The following RBFOX1 variants were observed in gnomAD, a reference collection of about 807,000 sequenced individuals.
RBFOX1 encodes RNA binding protein fox-1 homolog 1.
In RBFOX1, 8 loss-of-function variants were observed where a neutral mutation model predicts 57.7. That is an observed-to-expected ratio of 0.14 (90% CI 0.08 to 0.25). The LOEUF (loss-of-function observed/expected upper bound fraction) is 0.25, where lower values mean the gene tolerates loss of function less well. Among genes scored for constraint, RBFOX1 ranks in the 10% least tolerant of loss-of-function variants. RBFOX1 has a pLI of 1.00. For synonymous variants in RBFOX1, 326 were observed against 222.4 expected, an observed-to-expected ratio of 1.47 and a Z score of -4.15; for missense variants, 611 against 548.5, an observed-to-expected ratio of 1.11 and a Z score of -1.14.
rs2092287071 is a variant in RBFOX1 at position 7,567,879 on chromosome 16, G to A, written c.271-11898G>A. Among the ~76,000 whole-genome samples the A allele has an allele frequency of 3.5e-5, 3 of 86,160 alleles. No homozygotes were observed. The South Asian group carries it at 1.4e-3, about 40-fold the overall frequency. The allele number at this position is 86,160 out of a possible 152,430, so 56.5% of individuals were successfully genotyped here. A position where few individuals can be genotyped will look rare whatever the true frequency, so the allele number is the denominator to read the frequency against. ...TCCATATATATACCTCTCTATATAT[G>A]CATATGTATACCTATGTATATATAT... is the stretch of plus-strand genomic sequence containing the variant. On this transcript the variant is annotated intron_variant, in intron 5 of 15. Coordinates refer to ENST00000550418, the MANE Select transcript of RBFOX1 (RefSeq NM_018723.4).
intron 3 of RBFOX1, among the ~76,000 whole-genome samples, chr16:5,744,516 C>A (rs1387278643): frequency 6.6e-6 from 1 of 152,160 alleles, no homozygotes; most frequent in East Asian, 1.9e-4. Flanking sequence ...TTCTTTCCAA[C>A]TCCACCTTCA....
rs899738724 is a variant in RBFOX1, at chr16:7,253,733, G to C, written c.27+201635G>C. The stretch of plus-strand genomic sequence containing the variant: ...CCATCACCACATAGTATTCTGTGTC[G>C]ATCTATGGAGCCTCTCGTTACTTAC... On this transcript the variant is annotated intron_variant, in intron 4 of 15. Coordinates refer to ENST00000550418, the MANE Select transcript of RBFOX1 (RefSeq NM_018723.4). 2.6e-5 allele frequency among the ~76,000 whole-genome samples: 4 copies of C among 152,092 alleles called. No homozygotes were observed. In the South Asian group the frequency reaches 8.3e-4, roughly 32 times the overall value.
chr16:7,311,478 C>CTTTTTTTTTTTTTTTTT (rs1190746565), intron 4 of RBFOX1, among the ~76,000 whole-genome samples: 1 of 122,522 alleles, frequency 8.2e-6, no homozygotes. Flanking sequence ...TGAGCCTTTT[C>CTTTTTTTTTTTTTTTTT]TTTTTTTTTT....
At chr16:7,005,822 C>G (rs1351938247) in intron 3 of RBFOX1, among the ~76,000 whole-genome samples, 1 of 152,198 alleles carries the variant, frequency 6.6e-6, no homozygotes, top group Non-Finnish European at 1.5e-5. Flanking sequence ...ACATGAGTGA[C>G]TGCTGCTTCT....
chr16:6,806,290 C>G (rs1270344932), intron 3 of RBFOX1, among the ~76,000 whole-genome samples: 2 of 152,042 alleles, frequency 1.3e-5, no homozygotes, highest in African/African-American at 2.4e-5. Context: ...CATTATAAAG[C>G]TTTGTAGTAA....
intron 3 of RBFOX1, among the ~76,000 whole-genome samples, chr16:5,647,603 G>A (rs2049095610): frequency 6.6e-6 from 1 of 152,096 alleles, no homozygotes; most frequent in Admixed American, 6.6e-5. Flanking sequence ...TTTCTCCAGT[G>A]TGGGAAAGGA....
At chr16:5,595,634 G>A (rs763269042) in intron 2 of RBFOX1, among the ~76,000 whole-genome samples, 1 of 152,200 alleles carries the variant, frequency 6.6e-6, no homozygotes, top group East Asian at 1.9e-4. Context: ...TTATTGTAAG[G>A]ATTCAGGGAA....
chr16:7,635,111 G>A (rs1016254531), intron 11 of RBFOX1, among the ~76,000 whole-genome samples: 11 of 152,224 alleles, frequency 7.2e-5, no homozygotes, highest in East Asian at 1.9e-4. Context: ...TGCATATGGC[G>A]AATGCTCAAC....
At chr16:7,226,343 G>A (rs1005769392) in intron 4 of RBFOX1, among the ~76,000 whole-genome samples, 1 of 152,206 alleles carries the variant, frequency 6.6e-6, no homozygotes, top group Non-Finnish European at 1.5e-5. Context: ...AAGAAGTGCA[G>A]TGTGTAATGC....
chr16:5,386,585 C>G (rs1033894083), intron 1 of RBFOX1, among the ~76,000 whole-genome samples: 6 of 152,188 alleles, frequency 3.9e-5, no homozygotes, highest in Non-Finnish European at 7.3e-5. Context: ...CCCACTCTCT[C>G]TTAACCCTTG....
intron 3 of RBFOX1, among the ~76,000 whole-genome samples, chr16:5,727,727 C>T (rs1004071009): frequency 6.6e-6 from 1 of 152,164 alleles, no homozygotes; most frequent in Non-Finnish European, 1.5e-5. Flanking sequence ...CTTACCTTGT[C>T]ACCCAGGTTG....
chr16:6,956,553 G>T (rs2153536361), intron 3 of RBFOX1, among the ~76,000 whole-genome samples: 1 of 152,266 alleles, frequency 6.6e-6, no homozygotes, highest in African/African-American at 2.4e-5. Context: ...GGCCAGTGGG[G>T]GCAGTTGTAC....
intron 4 of RBFOX1, among the ~76,000 whole-genome samples, chr16:7,391,791 A>T (rs1465435927): frequency 6.6e-6 from 1 of 152,186 alleles, no homozygotes; most frequent in Non-Finnish European, 1.5e-5. Flanking sequence ...TAAAAGGAAG[A>T]GTGAGTCGGT....
intron 3 of RBFOX1, among the ~76,000 whole-genome samples, chr16:6,915,528 A>AAGTCCTC: frequency 6.7e-6 from 1 of 149,280 alleles, no homozygotes. Flanking sequence ...TATTTTTTCT[A>AAGTCCTC]AGTCCTCACC....
intron 2 of RBFOX1, among the ~76,000 whole-genome samples, chr16:5,595,017 G>C (rs1259149017): frequency 1.3e-5 from 2 of 149,986 alleles, no homozygotes; most frequent in Non-Finnish European, 3.0e-5. Flanking sequence ...ATGGTGGTGG[G>C]CACCTCCAAT....
chr16:7,061,479 T>G (rs1285844942), intron 4 of RBFOX1, among the ~76,000 whole-genome samples: 1 of 152,184 alleles, frequency 6.6e-6, no homozygotes, highest in Non-Finnish European at 1.5e-5. Context: ...CCACTTTTCT[T>G]CATTTTTGAT....
chr16:6,838,433 G>T (rs1289751587), intron 3 of RBFOX1, among the ~76,000 whole-genome samples: 2 of 152,068 alleles, frequency 1.3e-5, no homozygotes, highest in Non-Finnish European at 2.9e-5. Context: ...TATTATTGAT[G>T]GGCATTTGGG....
intron 2 of RBFOX1, among the ~76,000 whole-genome samples, chr16:6,389,297 G>T (rs1471816866): frequency 6.6e-6 from 1 of 152,228 alleles, no homozygotes; most frequent in Non-Finnish European, 1.5e-5. Flanking sequence ...ACAGGACTCT[G>T]CAGAGATGGT....
At chr16:5,365,862 C>T (rs942838027) in intron 1 of RBFOX1, 1 of 511,754 alleles carries the variant, frequency 2.0e-6, no homozygotes, top group African/African-American at 1.9e-5. Context: ...CGGGTGTGAA[C>T]TCAAGGCTGA....
Sources: gnomAD v4.1 joint callset for allele counts (sites outside exome capture counted in the v4.1 genomes callset) on GRCh38, gnomAD v4.1.1 for gene constraint, MANE v1.5 for transcripts, NCBI Gene and HGNC (gene_info 2026-07-23, HGNC 2026-07-21) for gene names.